Variants in FCRL4 observed in about 807,000 individuals in gnomAD.
The protein encoded by FCRL4 is Fc receptor-like protein 4.
A neutral mutation model predicts 64.1 loss-of-function variants in FCRL4; 43 were observed. The observed-to-expected ratio is 0.67, with a 90% CI of 0.53 to 0.87. The LOEUF (loss-of-function observed/expected upper bound fraction) is 0.87, where lower values mean the gene tolerates loss of function less well. FCRL4 is among the 40% of genes least tolerant of loss of function. The pLI is 0.00. For missense variants in FCRL4, 656 were observed against 613.5 expected (o/e 1.07, Z -0.73); for synonymous variants, 253 against 239.8 (o/e 1.05, Z -0.51).
At chr1:157,579,649 G>A (rs937223128) in intron 8 of FCRL4, among the ~76,000 whole-genome samples, 14 of 150,710 alleles carry the variant, frequency 9.3e-5, no homozygotes, top group Admixed American at 5.3e-4. Flanking sequence ...CCTGGGAGGC[G>A]GAGGTTGCCA....
Position 157,586,400 on chromosome 1 carries a change from A to G in FCRL4, c.903T>C (p.Val301=). The change falls in exon 6 of 12, where the codon GTT becomes GTC. Residue 301 remains valine (V), a synonymous_variant. Coordinates refer to ENST00000271532, the MANE Select transcript of FCRL4 (RefSeq NM_031282.3). The part of the protein sequence containing the change: ...LETQPSGGQA[V]EGEMLVLVCS... ...AGACAAGGACCAGCATCTCCCCTTC[A>G]ACAGCCTGGCCCCCTGAGGGCTGGG... 6.2e-7 allele frequency: 1 copy of G among 1,612,778 alleles called. No homozygotes were observed. Among genetic ancestry groups the G allele is most frequent in the Non-Finnish European group, 8.5e-7 (1 of 1,179,928 alleles).
At chr1:157,587,244 G>C (rs1260220381) in intron 5 of FCRL4, 32 bp downstream of exon 5, 1 of 1,604,518 alleles carries the variant, frequency 6.2e-7, no homozygotes, top group Non-Finnish European at 8.5e-7. Flanking sequence ...GCAGAGAGAG[G>C]CAGGGAAGAT....
Position 157,587,372 on chromosome 1 carries a change from C to T in FCRL4, c.751G>A (p.Val251Ile), listed in dbSNP as rs772037752. ...STYPELQLPT[V>I]WRENSGSYWC... ...TAGGATCCTGAGTTTTCTCTCCAGA[C>T]GGTTGGGAGCTGGAGTTCCGGGTAC... is the stretch of plus-strand genomic sequence containing the variant. Residue 251 changes from valine (V) to isoleucine (I), a missense_variant, in exon 5 of 12, where the codon GTC (valine) becomes ATC (isoleucine). Val to Ile is a conservative substitution (Grantham distance 29). Coordinates refer to ENST00000271532, the MANE Select transcript of FCRL4 (RefSeq NM_031282.3). The T allele has an allele frequency of 2.7e-5, 44 of 1,614,086 alleles. No individual in the cohort carries two copies. Among genetic ancestry groups the T allele is most frequent in the African/African-American group, 6.7e-5 (5 of 74,936 alleles).
Position 157,596,336 on chromosome 1 carries a change from C to A in FCRL4, c.44G>T (p.Gly15Val). The change falls in exon 2 of 12, where the codon GGA becomes GTA. Residue 15 changes from glycine (G) to valine (V), a missense_variant. By Grantham distance (109) the Gly-to-Val change is moderately radical (BLOSUM62 -3). Transcript: ENST00000271532. ...AGAAAATAAGGACTTACCAGATTGTCCACAGACTGGAGCTGAAAGAGAGTA... is the reference window on the plus strand; with the variant it reads ...AGAAAATAAGGACTTACCAGATTGTACACAGACTGGAGCTGAAAGAGAGTA... ...ASLLAFAPVCGQSAAAHKPVI... is the reference protein window; with the variant it reads ...ASLLAFAPVCVQSAAAHKPVI... 3.1e-6 allele frequency: 5 copies of A among 1,613,958 alleles called. No homozygotes were observed. The highest frequency in any genetic ancestry group is 4.2e-6 in the Non-Finnish European group (5 of 1,179,922).
chr1:157,589,094 G>A, intron 3 of FCRL4, 110 bp downstream of exon 3: 2 of 1,207,626 alleles, frequency 1.7e-6, no homozygotes, highest in Non-Finnish European at 2.3e-6. Flanking sequence ...TAAAGGAGCT[G>A]GGATCGAGGG....
intron 6 of FCRL4, among the ~76,000 whole-genome samples, chr1:157,585,539 T>A (rs536941277): frequency 3.9e-5 from 6 of 152,142 alleles, no homozygotes; most frequent in Admixed American, 3.9e-4. Context: ...TGGCCCAGTG[T>A]GGCTTCTCAG....
chr1:157,597,498 A>G (rs994790003), intron 1 of FCRL4, among the ~76,000 whole-genome samples: 18 of 152,198 alleles, frequency 1.2e-4, no homozygotes, highest in Admixed American at 7.9e-4. Flanking sequence ...AACTTAGAAT[A>G]CAGAGAAGGA....
Position 157,598,048 on chromosome 1 carries a change from A to C in FCRL4, c.-104T>G. The C allele has an allele frequency of 4.5e-5, 35 of 781,594 alleles. No individual in the cohort carries two copies. Among genetic ancestry groups the C allele is most frequent in the Non-Finnish European group, 7.4e-5 (33 of 443,138 alleles). 48.4% of individuals were successfully genotyped at this position (781,594 alleles called of 1,614,324 possible). Reference sequence around the variant, plus strand: ...CTACACCAGCACCAGCAGTGAGCTCAGTAAGCTTCTTCTCTGCATAAAGCT... The same window carrying C: ...CTACACCAGCACCAGCAGTGAGCTCCGTAAGCTTCTTCTCTGCATAAAGCT... On this transcript the variant is annotated 5_prime_UTR_variant, in exon 1 of 12. Transcript: ENST00000271532.
intron 3 of FCRL4, 144 bp downstream of exon 3, chr1:157,589,060 G>A (rs1204399778): frequency 6.8e-6 from 6 of 887,498 alleles, no homozygotes; most frequent in Non-Finnish European, 8.5e-6. Context: ...AACATTTGTA[G>A]ACATTGGAGG....
At chr1:157,591,771 TCC>T (rs946911171) in intron 2 of FCRL4, among the ~76,000 whole-genome samples, 4 of 152,182 alleles carry the variant, frequency 2.6e-5, no homozygotes, top group African/African-American at 9.7e-5. Context: ...GGCTTAATTC[TCC>T]CTGCCAAAAG....
At chr1:157,585,454 C>T (rs1160446115) in intron 6 of FCRL4, among the ~76,000 whole-genome samples, 1 of 147,774 alleles carries the variant, frequency 6.8e-6, no homozygotes, top group Admixed American at 6.9e-5. Context: ...ACAACTAAAC[C>T]TGAGATTGAG....
rs72996993 is a variant in FCRL4, at chr1:157,594,819, A to G, written c.52+1509T>C. On this transcript the variant is annotated intron_variant, in intron 2 of 11. Transcript: ENST00000271532. ...GTTTGAGGGGAAAAAGAAAATTGTA[A>G]AATAACCCAACTGCATGTTTTACAT... is the stretch of plus-strand genomic sequence containing the variant. 6.3e-3 allele frequency among the ~76,000 whole-genome samples: 954 copies of G among 152,336 alleles called. 10 individuals are homozygous for G. Among genetic ancestry groups the G allele is most frequent in the African/African-American group, 0.022 (914 of 41,572 alleles).
chr1:157,576,130 C>G (rs924372078), intron 10 of FCRL4, among the ~76,000 whole-genome samples: 6 of 152,236 alleles, frequency 3.9e-5, no homozygotes, highest in African/African-American at 1.4e-4. Context: ...GTGAGAAAAA[C>G]TCTCTCCTAC....
chr1:157,575,426 G>T lies in FCRL4; in HGVS notation c.*98C>A. On this transcript the variant is annotated 3_prime_UTR_variant, in exon 12 of 12. Coordinates refer to ENST00000271532, the MANE Select transcript of FCRL4 (RefSeq NM_031282.3). ...GAGAAGAATTAGAAAGCTGGAATGA[G>T]TTGATCATTCCAGGGGCCGCAAGGA... is the stretch of plus-strand genomic sequence containing the variant. The T allele has an allele frequency of 1.2e-6, 1 of 827,388 alleles. No individual in the cohort carries two copies. Among genetic ancestry groups the T allele is most frequent in the Non-Finnish European group, 2.0e-6 (1 of 490,386 alleles). The allele number at this position is 827,388 out of a possible 1,614,324, so 51.3% of individuals were successfully genotyped here.
At chr1:157,586,546 G>A (rs1225808364) in intron 5 of FCRL4, 91 bp from the exon 6 acceptor site, 6 of 1,160,776 alleles carry the variant, frequency 5.2e-6, no homozygotes, top group Non-Finnish European at 7.3e-6. Flanking sequence ...CTTTTTATGT[G>A]ACTTCAAGAT....
At chr1:157,581,825 G>C (rs1652568815) in intron 6 of FCRL4, among the ~76,000 whole-genome samples, 181 bp from the exon 7 acceptor site, 1 of 152,198 alleles carries the variant, frequency 6.6e-6, no homozygotes, top group Admixed American at 6.5e-5. Flanking sequence ...GCCAGGGCCT[G>C]AGTGCAAGAG....
intron 6 of FCRL4, 108 bp from the exon 7 acceptor site, chr1:157,581,752 AG>A (rs1652567213): frequency 1.2e-6 from 1 of 818,386 alleles, no homozygotes; most frequent in Non-Finnish European, 1.9e-6. Flanking sequence ...AAAAATCTAA[AG>A]GACTAGGTCT....
rs753257316 is a variant in FCRL4, at chr1:157,580,303, C to G, written c.1277+18G>C. 60 of 1,613,792 alleles carry G rather than the reference C, an allele frequency of 3.7e-5. No individual in the cohort carries two copies. Among genetic ancestry groups the G allele is most frequent in the Non-Finnish European group, 4.9e-5 (58 of 1,179,846 alleles). The stretch of plus-strand genomic sequence containing the variant: ...TACTCGGGAAACTAAAAAGGAATGG[C>G]AGAAACTGAGGTCTCACCTGGTTTC... On this transcript the variant is annotated intron_variant, in intron 8 of 11. Coordinates refer to ENST00000271532, the MANE Select transcript of FCRL4 (RefSeq NM_031282.3).
At chr1:157,578,923 G>A in intron 8 of FCRL4, 71 bp from the exon 9 acceptor site, 6 of 1,244,002 alleles carry the variant, frequency 4.8e-6, no homozygotes, top group Non-Finnish European at 6.8e-6. Flanking sequence ...TACCCAGGGA[G>A]AGCGGCAGAG....
Sources: allele counts gnomAD v4.1 joint callset (sites outside exome capture counted in the v4.1 genomes callset), GRCh38; gene constraint gnomAD v4.1.1; transcripts MANE v1.5; gene names NCBI Gene and HGNC (gene_info 2026-07-23, HGNC 2026-07-21).